The following TBC1D22A variants were observed in gnomAD, a reference collection of about 807,000 sequenced individuals.
The protein encoded by TBC1D22A is putative GTPase activator.
A neutral mutation model predicts 60.2 loss-of-function variants in TBC1D22A; 38 were observed. The observed-to-expected ratio is 0.63, with a 90% CI of 0.49 to 0.83. The LOEUF is 0.83. TBC1D22A is among the 40% of genes least tolerant of loss of function. TBC1D22A has a pLI of 0.00. For missense variants in TBC1D22A, 628 were observed against 701.0 expected, an observed-to-expected ratio of 0.90 and a Z score of 1.18; for synonymous variants, 302 against 281.7, an observed-to-expected ratio of 1.07 and a Z score of -0.72.
At chr22:47,153,921 C>T (rs199518844) in intron 12 of TBC1D22A, among the ~76,000 whole-genome samples, 2 of 150,814 alleles carry the variant, frequency 1.3e-5, no homozygotes, top group Non-Finnish European at 3.0e-5. Context: ...GTGGGAGGTC[C>T]GGGGACACTG....
chr22:47,129,315 A>G (rs905982992), intron 12 of TBC1D22A, among the ~76,000 whole-genome samples: 3 of 152,186 alleles, frequency 2.0e-5, no homozygotes, highest in African/African-American at 7.2e-5. Context: ...TGTCTCTACT[A>G]AAAATACAAA....
At chr22:46,821,927 G>A (rs2085849080) in intron 4 of TBC1D22A, among the ~76,000 whole-genome samples, 1 of 150,472 alleles carries the variant, frequency 6.6e-6, no homozygotes, top group Admixed American at 6.6e-5. Flanking sequence ...TGGAGGCTTT[G>A]TTCATTCTTT....
At chr22:46,961,310 T>G (rs2073492064) in intron 8 of TBC1D22A, among the ~76,000 whole-genome samples, 2 of 152,244 alleles carry the variant, frequency 1.3e-5, no homozygotes, top group African/African-American at 4.8e-5. Flanking sequence ...ACCTTCCTTA[T>G]GTATTTGTCC....
chr22:47,084,824 T>A (rs1447284323), intron 11 of TBC1D22A, among the ~76,000 whole-genome samples: 1 of 152,184 alleles, frequency 6.6e-6, no homozygotes, highest in African/African-American at 2.4e-5. Flanking sequence ...AAATGATAAA[T>A]GCACAATTAA....
chr22:46,801,423 G>A (rs1024460130), intron 4 of TBC1D22A, among the ~76,000 whole-genome samples: 6 of 152,236 alleles, frequency 3.9e-5, no homozygotes, highest in Non-Finnish European at 8.8e-5. Flanking sequence ...TCTGTCCAGC[G>A]GAGTGCTGTT....
chr22:47,125,944 G>C (rs1029925913), intron 12 of TBC1D22A, among the ~76,000 whole-genome samples: 8 of 152,220 alleles, frequency 5.3e-5, no homozygotes, highest in Non-Finnish European at 1.0e-4. Context: ...CTCAGAGCAC[G>C]TGGGAACACA....
At chr22:47,168,221 T>G (rs1354401788) in intron 12 of TBC1D22A, among the ~76,000 whole-genome samples, 1 of 149,268 alleles carries the variant, frequency 6.7e-6, no homozygotes, top group Non-Finnish European at 1.5e-5. Context: ...GAGAACTCAC[T>G]GCCCAGCAAA....
At chr22:47,029,826 G>A (rs2062404987) in intron 10 of TBC1D22A, among the ~76,000 whole-genome samples, 1 of 152,252 alleles carries the variant, frequency 6.6e-6, no homozygotes, top group South Asian at 2.1e-4. Flanking sequence ...CTTGGTGAGC[G>A]GCCACAGTGC....
At chr22:47,081,120 CAAAAAAAAAA>C (rs34794967) in intron 11 of TBC1D22A, among the ~76,000 whole-genome samples, 9 of 83,782 alleles carry the variant, frequency 1.1e-4, no homozygotes, top group African/African-American at 3.9e-4. Flanking sequence ...AACTCCGTCT[CAAAAAAAAAA>C]AAAAAAAAAA....
At chr22:47,136,004 T>C (rs1281438199) in intron 12 of TBC1D22A, among the ~76,000 whole-genome samples, 1 of 152,212 alleles carries the variant, frequency 6.6e-6, no homozygotes, top group Admixed American at 6.5e-5. Flanking sequence ...CAGTGCTAGT[T>C]GCTCGGGTAG....
intron 9 of TBC1D22A, among the ~76,000 whole-genome samples, chr22:46,979,230 T>C (rs2074419834): frequency 1.3e-5 from 2 of 152,218 alleles, no homozygotes; most frequent in Admixed American, 1.3e-4. Flanking sequence ...CACCGTCTCA[T>C]AAGAAGCAGC....
At chr22:46,860,901 C>A (rs2087841672) in intron 4 of TBC1D22A, among the ~76,000 whole-genome samples, 3 of 152,232 alleles carry the variant, frequency 2.0e-5, no homozygotes, top group African/African-American at 7.2e-5. Flanking sequence ...TGCACATCAG[C>A]TTCCACTTCC....
rs147745777 is a variant in TBC1D22A at position 47,098,351 on chromosome 22, A to G, written c.1330-13157A>G. Among the ~76,000 whole-genome samples the G allele has an allele frequency of 1.9e-3, 286 of 152,292 alleles. 2 individuals are homozygous for G. The highest frequency in any genetic ancestry group is 6.4e-3 in the African/African-American group (266 of 41,570). ...CATGGACTTGTTTTTCACAGGGGTG[A>G]TGGGGCAGCATGGGGCGTGTCCAAA... is the stretch of plus-strand genomic sequence containing the variant. On this transcript the variant is annotated intron_variant, in intron 11 of 12. Coordinates refer to ENST00000337137, the MANE Select transcript of TBC1D22A (RefSeq NM_014346.5).
At chr22:47,168,654 C>T (rs1008882182) in intron 12 of TBC1D22A, among the ~76,000 whole-genome samples, 3 of 152,104 alleles carry the variant, frequency 2.0e-5, no homozygotes, top group Non-Finnish European at 4.4e-5. Flanking sequence ...CTCAGGGTCT[C>T]GAAGGAACCC....
intron 8 of TBC1D22A, among the ~76,000 whole-genome samples, chr22:46,941,418 AATATACACGGAATAT>A (rs71318840): frequency 2.4e-5 from 2 of 82,870 alleles, no homozygotes; most frequent in South Asian, 3.3e-4. Flanking sequence ...ATATATACGG[AATATACACGGAATAT>A]ATATACACGG....
intron 4 of TBC1D22A, among the ~76,000 whole-genome samples, chr22:46,814,383 T>C (rs766327275): frequency 6.6e-6 from 1 of 152,102 alleles, no homozygotes; most frequent in Non-Finnish European, 1.5e-5. Context: ...ATTCCAAGAT[T>C]TTGACGTCAC....
chr22:46,818,893 T>C (rs1289302637), intron 4 of TBC1D22A, among the ~76,000 whole-genome samples: 2 of 152,232 alleles, frequency 1.3e-5, no homozygotes, highest in African/African-American at 4.8e-5. Context: ...CCTTTGTTTA[T>C]ATTCTGTTAC....
At chr22:47,064,024 C>G (rs1168425691) in intron 11 of TBC1D22A, among the ~76,000 whole-genome samples, 1 of 49,942 alleles carries the variant, frequency 2.0e-5, no homozygotes, top group Non-Finnish European at 3.5e-5. Flanking sequence ...GATCAGGGCC[C>G]CCCCTACTCC....
chr22:46,998,559 C>T (rs1385189080), intron 10 of TBC1D22A, among the ~76,000 whole-genome samples: 2 of 152,358 alleles, frequency 1.3e-5, no homozygotes, highest in East Asian at 3.9e-4. Flanking sequence ...GCCCGCTGAG[C>T]GTTGCCGGTC....
Sources: gnomAD v4.1 joint callset for allele counts (sites outside exome capture counted in the v4.1 genomes callset) on GRCh38, gnomAD v4.1.1 for gene constraint, MANE v1.5 for transcripts, NCBI Gene and HGNC (gene_info 2026-07-23, HGNC 2026-07-21) for gene names.